Variants in PTPRD observed in about 807,000 individuals in gnomAD.
PTPRD encodes protein tyrosine phosphatase receptor type D.
Under a neutral mutation model 214.5 loss-of-function variants are expected in PTPRD, and 34 were observed. That is an observed-to-expected ratio of 0.16 (90% CI 0.12 to 0.21). The LOEUF (loss-of-function observed/expected upper bound fraction) is 0.21. Among genes scored for constraint, PTPRD ranks in the 10% least tolerant of loss-of-function variants. The probability of loss-of-function intolerance (pLI) is 1.00; values close to 1 mark genes in which losing one functional copy is unlikely to be tolerated. For synonymous variants in PTPRD, 1,128 were observed against 845.7 expected (o/e 1.33, Z -5.79); for missense variants, 2,545 against 2,398.7 (o/e 1.06, Z -1.27).
At chr9:9,022,718 T>A (rs1224815426) in intron 10 of PTPRD, among the ~76,000 whole-genome samples, 1 of 152,186 alleles carries the variant, frequency 6.6e-6, no homozygotes, top group Non-Finnish European at 1.5e-5. Flanking sequence ...CAACATAATT[T>A]GCAGAACTTG....
At chr9:9,669,028 A>T (rs1297219177) in intron 7 of PTPRD, among the ~76,000 whole-genome samples, 2 of 152,158 alleles carry the variant, frequency 1.3e-5, no homozygotes, top group Admixed American at 1.3e-4. Context: ...ATGGCAACAA[A>T]GGGTAATTTT....
intron 2 of PTPRD, among the ~76,000 whole-genome samples, chr9:10,431,330 C>T (rs888865499): frequency 3.3e-5 from 5 of 151,896 alleles, no homozygotes; most frequent in African/African-American, 4.8e-5. Flanking sequence ...ACCATAAAAA[C>T]CCTAGAAGAA....
intron 8 of PTPRD, among the ~76,000 whole-genome samples, chr9:9,422,811 C>T (rs974950729): frequency 6.6e-6 from 1 of 152,136 alleles, no homozygotes; most frequent in South Asian, 2.1e-4. Flanking sequence ...TTCCTTGAGA[C>T]CTTTGCAGTT....
chr9:8,753,301 G>A (rs551508221), intron 11 of PTPRD, among the ~76,000 whole-genome samples: 4 of 152,270 alleles, frequency 2.6e-5, no homozygotes, highest in South Asian at 2.1e-4. Flanking sequence ...TGGAAGTGAC[G>A]TATGTATCTG....
chr9:10,139,384 C>T (rs2098966303), intron 3 of PTPRD, among the ~76,000 whole-genome samples: 1 of 151,512 alleles, frequency 6.6e-6, no homozygotes, highest in Non-Finnish European at 1.5e-5. Flanking sequence ...AGAGATGATA[C>T]AAATAAATGG....
At chr9:9,971,313 T>C (rs1170283094) in intron 4 of PTPRD, among the ~76,000 whole-genome samples, 1 of 152,054 alleles carries the variant, frequency 6.6e-6, no homozygotes, top group Non-Finnish European at 1.5e-5. Flanking sequence ...AGGTCTGGAG[T>C]AGAAACCAGG....
At chr9:9,716,806 T>C (rs2097843698) in intron 7 of PTPRD, among the ~76,000 whole-genome samples, 1 of 151,864 alleles carries the variant, frequency 6.6e-6, no homozygotes, top group South Asian at 2.1e-4. Flanking sequence ...AGGTTGCCTG[T>C]TCACTTTGAT....
intron 3 of PTPRD, among the ~76,000 whole-genome samples, chr9:10,152,101 C>T (rs1033559314): frequency 1.3e-5 from 2 of 152,214 alleles, no homozygotes; most frequent in Admixed American, 1.3e-4. Context: ...TTCAACTGTG[C>T]AATAAACTGC....
chr9:8,385,570 G>T (rs1210608733), intron 37 of PTPRD, among the ~76,000 whole-genome samples: 1 of 152,156 alleles, frequency 6.6e-6, no homozygotes, highest in Non-Finnish European at 1.5e-5. Flanking sequence ...CGCTTGAAAA[G>T]AGAGATGGGC....
intron 12 of PTPRD, among the ~76,000 whole-genome samples, chr9:8,711,050 A>C (rs2098323612): frequency 6.6e-6 from 1 of 152,146 alleles, no homozygotes; most frequent in Admixed American, 6.5e-5. Context: ...TTAATGTCAG[A>C]TATCCAAAAT....
At chr9:8,437,238 A>C (rs1479172063) in intron 34 of PTPRD, 4 of 1,523,844 alleles carry the variant, frequency 2.6e-6, no homozygotes, top group Non-Finnish European at 3.5e-6. Context: ...AATCATCTGA[A>C]CCTGCAAAGG....
chr9:9,666,638 T>A (rs1231206321), intron 7 of PTPRD, among the ~76,000 whole-genome samples: 2 of 152,056 alleles, frequency 1.3e-5, no homozygotes, highest in East Asian at 3.9e-4. Context: ...ATTCAATCTC[T>A]ATGTCTTATT....
chr9:9,453,579 C>A (rs906928569), intron 8 of PTPRD, among the ~76,000 whole-genome samples: 2 of 151,364 alleles, frequency 1.3e-5, no homozygotes, highest in Non-Finnish European at 3.0e-5. Flanking sequence ...TGGTAATTAC[C>A]AACATGAAAA....
chr9:8,624,550 G>A (rs1482218733), intron 14 of PTPRD, among the ~76,000 whole-genome samples: 1 of 151,796 alleles, frequency 6.6e-6, no homozygotes, highest in African/African-American at 2.4e-5. Context: ...GCTTCAAAGG[G>A]ATAATAAAGG....
At chr9:10,348,091 T>A (rs10959062) in intron 2 of PTPRD, among the ~76,000 whole-genome samples, 2 of 152,064 alleles carry the variant, frequency 1.3e-5, no homozygotes, top group Admixed American at 6.6e-5. Context: ...TCTTGTGAAC[T>A]ATAGTCACAC....
intron 5 of PTPRD, among the ~76,000 whole-genome samples, chr9:9,890,260 C>T (rs770606543): frequency 2.0e-4 from 30 of 152,068 alleles, no homozygotes; most frequent in African/African-American, 6.5e-4. Flanking sequence ...TGCAGTGATA[C>T]GATCCTGGCT....
At chr9:9,589,553 C>T (rs2092491382) in intron 7 of PTPRD, among the ~76,000 whole-genome samples, 1 of 151,978 alleles carries the variant, frequency 6.6e-6, no homozygotes, top group Non-Finnish European at 1.5e-5. Flanking sequence ...AATCAGTACA[C>T]TGTGTTCCAG....
chr9:10,173,216 C>T (rs1037470954), intron 3 of PTPRD, among the ~76,000 whole-genome samples: 3 of 152,044 alleles, frequency 2.0e-5, no homozygotes, highest in Non-Finnish European at 2.9e-5. Context: ...TGCTCTTTAG[C>T]GTATTCTAGT....
At chr9:8,782,793 A>G (rs2095786442) in intron 11 of PTPRD, among the ~76,000 whole-genome samples, 1 of 151,866 alleles carries the variant, frequency 6.6e-6, no homozygotes, top group African/African-American at 2.4e-5. Context: ...ACAGGGTTTC[A>G]CCATGTTGGT....
Sources: allele counts gnomAD v4.1 joint callset (sites outside exome capture counted in the v4.1 genomes callset), GRCh38; gene constraint gnomAD v4.1.1; transcripts MANE v1.5; gene names NCBI Gene and HGNC (gene_info 2026-07-23, HGNC 2026-07-21).